Variants in LRRC37A2 observed in about 807,000 individuals in gnomAD.
The protein encoded by LRRC37A2 is leucine-rich repeat-containing protein 37A2.
A neutral mutation model predicts 68.8 loss-of-function variants in LRRC37A2; 9 were observed. That is an observed-to-expected ratio of 0.13 (90% CI 0.08 to 0.23). The LOEUF (loss-of-function observed/expected upper bound fraction) is 0.23, where lower values mean the gene tolerates loss of function less well. Ranked by LOEUF, LRRC37A2 falls within the 10% of genes least tolerant of loss-of-function variation. The pLI is 1.00. For missense variants in LRRC37A2, 168 were observed against 950.4 expected (o/e 0.18, Z 10.82); for synonymous variants, 63 against 367.6 (o/e 0.17, Z 9.48).
the LRRC37A2 span, among the ~76,000 whole-genome samples, chr17:46,925,373 T>C: frequency 6.6e-6 from 1 of 152,248 alleles, no homozygotes; most frequent in African/African-American, 2.4e-5. Context: ...GCACCTACTA[T>C]GTGCTGTGCA....
chr17:47,025,650 C>T, the LRRC37A2 span, among the ~76,000 whole-genome samples: 4 of 147,178 alleles, frequency 2.7e-5, no homozygotes, highest in African/African-American at 1.0e-4. Flanking sequence ...TGTTTAGAGA[C>T]AAGAAGATAC....
At chr17:46,548,032 G>A in intron 9 of LRRC37A2, 1 of 70,840 alleles carries the variant, frequency 1.4e-5, no homozygotes, top group South Asian at 9.7e-5. Flanking sequence ...TGAGCACTGG[G>A]CAATTGGCCT....
the LRRC37A2 span, among the ~76,000 whole-genome samples, chr17:46,952,367 TC>T: frequency 6.6e-6 from 1 of 152,196 alleles, no homozygotes; most frequent in South Asian, 2.1e-4. Flanking sequence ...ATCAGAATCT[TC>T]CCTGGAATTC....
the LRRC37A2 span, among the ~76,000 whole-genome samples, chr17:46,892,943 C>T: frequency 6.8e-6 from 1 of 146,974 alleles, no homozygotes; most frequent in Admixed American, 6.8e-5. Context: ...TTTTTCTTTT[C>T]TTTTTTTTTT....
At chr17:47,014,670 C>G in the LRRC37A2 span, among the ~76,000 whole-genome samples, 7 of 151,742 alleles carry the variant, frequency 4.6e-5, no homozygotes, top group East Asian at 1.9e-4. Context: ...AGTCTCCCCC[C>G]GCTCCAGGAG....
At chr17:46,449,631 A>G in the LRRC37A2 span, among the ~76,000 whole-genome samples, 2 of 89,672 alleles carry the variant, frequency 2.2e-5, no homozygotes, top group Admixed American at 2.2e-4. Flanking sequence ...TTAACACTAC[A>G]CATAAAACTG....
chr17:46,748,625 G>A, the LRRC37A2 span, among the ~76,000 whole-genome samples: 4 of 152,208 alleles, frequency 2.6e-5, no homozygotes, highest in Admixed American at 2.6e-4. Context: ...AGAGAGGAAA[G>A]CTCCAGAACT....
At chr17:46,771,506 G>A in the LRRC37A2 span, among the ~76,000 whole-genome samples, 2 of 149,362 alleles carry the variant, frequency 1.3e-5, no homozygotes, top group Non-Finnish European at 3.0e-5. Flanking sequence ...GGGCGGCGGG[G>A]GCGGGGCGGG....
At chr17:46,969,622 A>G in the LRRC37A2 span, among the ~76,000 whole-genome samples, 1 of 152,234 alleles carries the variant, frequency 6.6e-6, no homozygotes, top group Non-Finnish European at 1.5e-5. Flanking sequence ...AGGTATAGAC[A>G]GCAGACAGTT....
chr17:46,931,735 C>G, the LRRC37A2 span: 2 of 383,400 alleles, frequency 5.2e-6, no homozygotes, highest in African/African-American at 2.1e-5. Context: ...TGGGCTTCTT[C>G]CAGGAGAGCC....
the LRRC37A2 span, chr17:47,019,419 G>A: frequency 5.0e-6 from 8 of 1,611,116 alleles, no homozygotes; most frequent in Non-Finnish European, 6.8e-6. Context: ...AACCACGGAG[G>A]AGACCTCAAC....
At chr17:46,813,627 G>A in the LRRC37A2 span, among the ~76,000 whole-genome samples, 1 of 151,948 alleles carries the variant, frequency 6.6e-6, no homozygotes, top group African/African-American at 2.4e-5. Flanking sequence ...CACATTCTGA[G>A]ACCAGAAAAA....
At chr17:46,789,104 G>A in the LRRC37A2 span, among the ~76,000 whole-genome samples, 34 of 152,268 alleles carry the variant, frequency 2.2e-4, no homozygotes, top group South Asian at 6.2e-4. Context: ...GCTGGACGCC[G>A]GGAGCACAGT....
the LRRC37A2 span, among the ~76,000 whole-genome samples, chr17:46,502,937 G>A: frequency 4.6e-5 from 7 of 150,586 alleles, no homozygotes; most frequent in Non-Finnish European, 7.4e-5. Context: ...TCATTGCCAG[G>A]CGTGGTGGCT....
chr17:46,777,964 G>C, the LRRC37A2 span, among the ~76,000 whole-genome samples: 4 of 152,278 alleles, frequency 2.6e-5, no homozygotes, highest in Non-Finnish European at 5.9e-5. Context: ...GTCCCATCCA[G>C]CTCTACCACT....
At chr17:46,852,156 G>T in the LRRC37A2 span, among the ~76,000 whole-genome samples, 2 of 152,200 alleles carry the variant, frequency 1.3e-5, no homozygotes, top group South Asian at 2.1e-4. Context: ...CCCACCCTCC[G>T]CCTTCGCCCT....
the LRRC37A2 span, among the ~76,000 whole-genome samples, chr17:46,790,423 A>G: frequency 6.0e-4 from 92 of 152,190 alleles, no homozygotes; most frequent in Middle Eastern, 3.4e-3. Context: ...TAAGTGGTCT[A>G]GGTGCTCCCT....
At chr17:46,938,691 G>A in the LRRC37A2 span, 11 of 1,613,934 alleles carry the variant, frequency 6.8e-6, no homozygotes, top group East Asian at 4.5e-5. Context: ...TCCAGGACAA[G>A]TACTTTATGA....
the LRRC37A2 span, among the ~76,000 whole-genome samples, chr17:46,970,268 C>A: frequency 6.6e-6 from 1 of 152,254 alleles, no homozygotes; most frequent in African/African-American, 2.4e-5. Context: ...AGACCAGCCG[C>A]GGTGGCTCAC....
Sources: allele counts gnomAD v4.1 joint callset (sites outside exome capture counted in the v4.1 genomes callset), GRCh38; gene constraint gnomAD v4.1.1; transcripts MANE v1.5; gene names NCBI Gene and HGNC (gene_info 2026-07-23, HGNC 2026-07-21).